Variants in USP13 observed in about 807,000 individuals in gnomAD.
USP13 encodes ubiquitin carboxyl-terminal hydrolase 13.
USP13 carries 68 observed loss-of-function variants against 107.8 expected under a neutral mutation model. That is an observed-to-expected ratio of 0.63 (90% CI 0.52 to 0.77). The LOEUF is 0.77. USP13 is among the 30% of genes least tolerant of loss of function. The pLI is 0.00. For missense variants in USP13, 945 were observed against 1,093.3 expected (o/e 0.86, Z 1.91); for synonymous variants, 377 against 389.5 (o/e 0.97, Z 0.38).
At chr3:179,750,433 A>G (rs1714572528) in intron 13 of USP13, among the ~76,000 whole-genome samples, 1 of 150,818 alleles carries the variant, frequency 6.6e-6, no homozygotes, top group South Asian at 2.1e-4. Flanking sequence ...AATGTGTATT[A>G]CTGCTTCTCA....
At chr3:179,655,567 G>GT (rs780247868) in intron 1 of USP13, among the ~76,000 whole-genome samples, 40 of 139,788 alleles carry the variant, frequency 2.9e-4, no homozygotes, top group Non-Finnish European at 4.9e-4. Flanking sequence ...GTTTTGTTTT[G>GT]TTTTTTTTTT....
At chr3:179,680,265 G>A (rs1451686336) in intron 1 of USP13, among the ~76,000 whole-genome samples, 3 of 152,024 alleles carry the variant, frequency 2.0e-5, no homozygotes, top group Non-Finnish European at 4.4e-5. Flanking sequence ...ATGCAATAAC[G>A]TGCATTATAA....
intron 10 of USP13, among the ~76,000 whole-genome samples, chr3:179,737,439 T>C (rs1310912650): frequency 6.6e-6 from 1 of 152,204 alleles, no homozygotes; most frequent in African/African-American, 2.4e-5. Flanking sequence ...ATCTGCTTAA[T>C]GAGTACATAA....
rs1478628013 is a variant in USP13, at chr3:179,721,704, C to G, written c.1088+115C>G. 5 of 1,150,034 alleles carry G rather than the reference C, an allele frequency of 4.3e-6. No homozygotes were observed. Among genetic ancestry groups the G allele is most frequent in the Non-Finnish European group, 6.0e-6 (5 of 826,954 alleles). The allele number at this position is 1,150,034 out of a possible 1,614,324, so 71.2% of individuals were successfully genotyped here. A position where few individuals can be genotyped will look rare whatever the true frequency, so the allele number is the denominator to read the frequency against. On this transcript the variant is annotated intron_variant, in intron 8 of 20. Coordinates refer to ENST00000263966, the MANE Select transcript of USP13 (RefSeq NM_003940.3). The surrounding 1 kb of genome is among the most constrained non-coding windows in gnomAD (Gnocchi z 4.3). Reference sequence around the variant, plus strand: ...TTATTGCTTCAGGACATTTTGCCACCTTTTCTCTGGCCTGCCTTCTACAGA... The same window carrying G: ...TTATTGCTTCAGGACATTTTGCCACGTTTTCTCTGGCCTGCCTTCTACAGA...
At chr3:179,774,587 G>A (rs1424614173) in intron 19 of USP13, among the ~76,000 whole-genome samples, 1 of 152,164 alleles carries the variant, frequency 6.6e-6, no homozygotes, top group Non-Finnish European at 1.5e-5. Context: ...CTGGCCTCAG[G>A]AGTGAAGCTG....
At chr3:179,666,684 T>C (rs1339598560) in intron 1 of USP13, among the ~76,000 whole-genome samples, 2 of 152,134 alleles carry the variant, frequency 1.3e-5, no homozygotes, top group African/African-American at 4.8e-5. Context: ...ACAGGCTGCT[T>C]ACTTGAGTGG....
At chr3:179,689,208 T>G (rs1409844562) in intron 2 of USP13, among the ~76,000 whole-genome samples, 1 of 152,166 alleles carries the variant, frequency 6.6e-6, no homozygotes, top group East Asian at 1.9e-4. Context: ...TTCTAGTAAC[T>G]GAAAAAACAT....
chr3:179,779,878 G>A lies in USP13; in HGVS notation c.2414-1861G>A, dbSNP rs1407718805. Reference sequence around the variant, plus strand: ...AGATATTATGGTGACTTGGATGAGGGGCTACAAGTGGAGATTGTATGAAGC... The same window carrying A: ...AGATATTATGGTGACTTGGATGAGGAGCTACAAGTGGAGATTGTATGAAGC... On this transcript the variant is annotated intron_variant, in intron 19 of 20. Coordinates refer to ENST00000263966, the MANE Select transcript of USP13 (RefSeq NM_003940.3). 3.3e-5 allele frequency among the ~76,000 whole-genome samples: 5 copies of A among 152,208 alleles called. No individual in the cohort carries two copies. In the South Asian group the frequency reaches 8.3e-4, roughly 25 times the overall value.
intron 1 of USP13, among the ~76,000 whole-genome samples, chr3:179,665,894 A>C (rs1720572610): frequency 6.6e-6 from 1 of 152,188 alleles, no homozygotes; most frequent in Non-Finnish European, 1.5e-5. Flanking sequence ...CTGGATATTT[A>C]AACTTTAAAC....
intron 1 of USP13, among the ~76,000 whole-genome samples, chr3:179,666,394 A>C (rs1469197377): frequency 6.6e-6 from 1 of 152,206 alleles, no homozygotes; most frequent in African/African-American, 2.4e-5. Flanking sequence ...AAGAAGCCTC[A>C]GTTAGTGTGA....
In USP13 at chr3:179,653,301, G is replaced by A; in HGVS notation, c.76G>A (p.Glu26Lys). The A allele has an allele frequency of 6.3e-7, 1 of 1,575,506 alleles. No individual in the cohort carries two copies. The highest frequency in any genetic ancestry group is 1.9e-5 in the Admixed American group (1 of 54,012). Reference protein sequence around the residue: ...GRKMAAGDIGELLVPHMPTIR... With the variant: ...GRKMAAGDIGKLLVPHMPTIR... ...GAAGATGGCTGCAGGAGACATCGGC[G>A]AGCTGCTAGTGCCCCACATGCCCAC... is the stretch of plus-strand genomic sequence containing the variant. Residue 26 changes from glutamate to lysine, a missense_variant, in exon 1 of 21, where the codon GAG becomes AAG. Physicochemically the swap from Glu to Lys is moderately conservative, Grantham distance 56. Coordinates refer to ENST00000263966, the MANE Select transcript of USP13 (RefSeq NM_003940.3). This position sits in a 1 kb window ranked among gnomAD's most constrained non-coding sequence, Gnocchi z 4.0.
rs1457682537 is a variant in USP13 at position 179,784,001 on chromosome 3, T to G, written c.2499-47T>G. On this transcript the variant is annotated intron_variant, in intron 20 of 20. Coordinates refer to ENST00000263966, the MANE Select transcript of USP13 (RefSeq NM_003940.3). ...TTTAGTGACTTCTTTGTGTAAAGTT[T>G]CCTGGAACTGACTTAAATCCATCAA... 7 of 1,511,416 alleles carry G rather than the reference T, an allele frequency of 4.6e-6. No homozygotes were observed. The Admixed American group carries it at 1.3e-4, about 28-fold the overall frequency. The allele number at this position is 1,511,416 out of a possible 1,614,324, so 93.6% of individuals were successfully genotyped here. A position where few individuals can be genotyped will look rare whatever the true frequency, so the allele number is the denominator to read the frequency against.
At chr3:179,674,668 C>T (rs1720844066) in intron 1 of USP13, among the ~76,000 whole-genome samples, 1 of 151,810 alleles carries the variant, frequency 6.6e-6, no homozygotes, top group Admixed American at 6.6e-5. Context: ...AGGGGAAATA[C>T]TGTGCCAAAG....
chr3:179,703,530 C>A (rs1186532756), intron 4 of USP13, among the ~76,000 whole-genome samples: 1 of 152,116 alleles, frequency 6.6e-6, no homozygotes, highest in Non-Finnish European at 1.5e-5. Context: ...AATCCAATGC[C>A]TTCATTTTTG....
chr3:179,754,380 T>C (rs1419752284), intron 14 of USP13, among the ~76,000 whole-genome samples: 1 of 152,166 alleles, frequency 6.6e-6, no homozygotes, highest in Non-Finnish European at 1.5e-5. Context: ...GAAATCTGGA[T>C]TTTACCTTAA....
chr3:179,679,634 T>G (rs1471636823), intron 1 of USP13, among the ~76,000 whole-genome samples: 1 of 152,072 alleles, frequency 6.6e-6, no homozygotes, highest in East Asian at 1.9e-4. Context: ...AAATCAAGTA[T>G]CTAAAATTCA....
At chr3:179,772,874 C>T (rs1715383901) in intron 19 of USP13, among the ~76,000 whole-genome samples, 1 of 152,160 alleles carries the variant, frequency 6.6e-6, no homozygotes, top group Non-Finnish European at 1.5e-5. Flanking sequence ...CTGTTGCTAT[C>T]AGCTGCCTTC....
chr3:179,669,319 G>A (rs1444795118), intron 1 of USP13, among the ~76,000 whole-genome samples: 1 of 152,150 alleles, frequency 6.6e-6, no homozygotes, highest in Non-Finnish European at 1.5e-5. Context: ...AAATTAGCCA[G>A]CATGGCGGCA....
intron 4 of USP13, among the ~76,000 whole-genome samples, chr3:179,702,530 G>A (rs1355501345): frequency 2.6e-5 from 4 of 152,136 alleles, no homozygotes; most frequent in Non-Finnish European, 4.4e-5. Flanking sequence ...CTGCTCACTT[G>A]TCCCTGCCAA....
Sources: allele counts gnomAD v4.1 joint callset (sites outside exome capture counted in the v4.1 genomes callset), GRCh38; gene constraint gnomAD v4.1.1; non-coding constraint Gnocchi (gnomAD v3.1); transcripts MANE v1.5; gene names NCBI Gene and HGNC (gene_info 2026-07-23, HGNC 2026-07-21).